RBM19: variants seen among roughly 807,000 people sequenced by gnomAD.
The protein encoded by RBM19 is RNA binding motif protein 19, also known as probable RNA-binding protein 19.
Under a neutral mutation model 116.8 loss-of-function variants are expected in RBM19, and 94 were observed. The observed-to-expected ratio is 0.80, with a 90% CI of 0.68 to 0.95. The LOEUF (loss-of-function observed/expected upper bound fraction) is 0.95, where lower values mean the gene tolerates loss of function less well. Ranked by LOEUF, RBM19 falls within the 40% of genes least tolerant of loss-of-function variation. The pLI is 0.00. For missense variants in RBM19, 1,161 were observed against 1,220.7 expected (o/e 0.95, Z 0.73); for synonymous variants, 475 against 494.1 (o/e 0.96, Z 0.51).
intron 8 of RBM19, among the ~76,000 whole-genome samples, chr12:113,950,899 C>G (rs1158386637): frequency 6.6e-6 from 1 of 152,108 alleles, no homozygotes; most frequent in African/African-American, 2.4e-5. Flanking sequence ...CCCTCCCCCT[C>G]TCCATGGCCA....
intron 23 of RBM19, among the ~76,000 whole-genome samples, chr12:113,844,188 C>T (rs978863125): frequency 2.0e-5 from 3 of 152,342 alleles, no homozygotes; most frequent in East Asian, 1.9e-4. Context: ...ATCAGCCCTC[C>T]GGCAGGAAGT....
chr12:113,872,479 G>C (rs1879309500), intron 21 of RBM19, among the ~76,000 whole-genome samples: 1 of 140,878 alleles, frequency 7.1e-6, no homozygotes, highest in African/African-American at 2.5e-5. Flanking sequence ...GGGAGGTGGG[G>C]AGCCCCTCTG....
At chr12:113,872,209 C>T (rs1391812648) in intron 21 of RBM19, among the ~76,000 whole-genome samples, 4 of 147,748 alleles carry the variant, frequency 2.7e-5, no homozygotes, top group Admixed American at 6.8e-5. Flanking sequence ...CGCCTCTGCC[C>T]GGCCGAGACC....
chr12:113,892,219 G>C (rs1881007350), intron 21 of RBM19, among the ~76,000 whole-genome samples: 1 of 152,162 alleles, frequency 6.6e-6, no homozygotes, highest in African/African-American at 2.4e-5. Context: ...TAGAACTCAG[G>C]CTCGGGCCTC....
chr12:113,937,277 C>A (rs1870154939), intron 15 of RBM19, 141 bp from the exon 16 acceptor site: 1 of 1,003,942 alleles, frequency 1.0e-6, no homozygotes, highest in African/African-American at 1.7e-5. Context: ...GGAGCCCAGC[C>A]CAGAGCCCTG....
In RBM19 at chr12:113,937,102, G is replaced by A; in HGVS notation, c.1973C>T (p.Pro658Leu). The A allele has an allele frequency of 6.2e-7, 1 of 1,614,096 alleles. No individual in the cohort carries two copies. ...GGCTGTGCTGGAGAAGACGCCAACT[G>A]GAGCCCACTCCAGATAGAGGGGGAC... ...HHVPLYLEWA[P>L]VGVFSSTAPQ... The change falls in exon 16 of 24, where the codon CCA (proline) becomes CTA (leucine). Residue 658 changes from proline (P) to leucine (L), a missense_variant. Coordinates refer to ENST00000261741, the MANE Select transcript of RBM19 (RefSeq NM_016196.4).
chr12:113,847,118 G>A (rs912111087), intron 22 of RBM19, among the ~76,000 whole-genome samples: 2 of 152,144 alleles, frequency 1.3e-5, no homozygotes, highest in South Asian at 2.1e-4. Context: ...TTGAGCCTCC[G>A]TTTCCTCATC....
chr12:113,925,401 G>A (rs1868978196), intron 17 of RBM19, among the ~76,000 whole-genome samples: 1 of 152,194 alleles, frequency 6.6e-6, no homozygotes, highest in Non-Finnish European at 1.5e-5. Flanking sequence ...TTTATTTGGA[G>A]TATCTCCTTC....
At chr12:113,861,002 T>G (rs1352081955) in intron 21 of RBM19, among the ~76,000 whole-genome samples, 2 of 152,202 alleles carry the variant, frequency 1.3e-5, no homozygotes, top group African/African-American at 4.8e-5. Flanking sequence ...GAAATACACA[T>G]AGCACAAATG....
rs200892305 is a variant in RBM19, at chr12:113,945,944, C to G, written c.1530-20G>C. ...TGAGAGCTAAGAGGCAGAGGCAGAA[C>G]AGGGAGATCAGACCGCAGCTGGATG... On this transcript the variant is annotated intron_variant, in intron 12 of 23. Transcript: ENST00000261741. 2 of 1,527,410 alleles carry G rather than the reference C, an allele frequency of 1.3e-6. No homozygotes were observed. Among genetic ancestry groups the G allele is most frequent in the African/African-American group, 1.4e-5 (1 of 72,918 alleles). The allele number at this position is 1,527,410 out of a possible 1,614,324, so 94.6% of individuals were successfully genotyped here.
chr12:113,822,953 T>C lies in RBM19; in HGVS notation c.*271A>G. On this transcript the variant is annotated 3_prime_UTR_variant, in exon 24 of 24. Transcript: ENST00000261741. Reference sequence around the variant, plus strand: ...AAGTCTCTCTTCCTAACGTGGCTGCTCCCTTGGACTCTTCCGTGTCTGCTA... The same window carrying C: ...AAGTCTCTCTTCCTAACGTGGCTGCCCCCTTGGACTCTTCCGTGTCTGCTA... 1 of 390,800 alleles carries C rather than the reference T, an allele frequency of 2.6e-6. No homozygotes were observed. The highest frequency in any genetic ancestry group is 4.6e-6 in the Non-Finnish European group (1 of 215,680). 24.2% of individuals were successfully genotyped at this position (390,800 alleles called of 1,614,324 possible). A position where few individuals can be genotyped will look rare whatever the true frequency, so the allele number is the denominator to read the frequency against.
intron 21 of RBM19, among the ~76,000 whole-genome samples, chr12:113,861,484 G>GTGTGTGTGTGTT (rs1878372523): frequency 6.9e-6 from 1 of 144,990 alleles, no homozygotes; most frequent in South Asian, 2.1e-4. Flanking sequence ...CTGTGTGTGT[G>GTGTGTGTGTGTT]TGTGTGTGTG....
intron 1 of RBM19, among the ~76,000 whole-genome samples, chr12:113,963,030 AAT>A (rs1375763986): frequency 1.3e-5 from 2 of 152,314 alleles, no homozygotes; most frequent in Admixed American, 6.5e-5. Flanking sequence ...ATTGGCTCCA[AAT>A]ATGGAGTATA....
chr12:113,959,876 G>GACC lies in RBM19; in HGVS notation c.364_366dup (p.Gly122dup). 6.2e-7 allele frequency: 1 copy of GACC among 1,614,068 alleles called. No homozygotes were observed. The highest frequency in any genetic ancestry group is 8.5e-7 in the Non-Finnish European group (1 of 1,180,006). On this transcript the variant is annotated inframe_insertion, in exon 4 of 24. Transcript: ENST00000261741. ...CAGGACAGACTCACCTTCTCCAGTT[G>GACC]ACCTGCCACCTTTTTCTTCTTCTCA...
At chr12:113,865,358 C>G (rs1878721378) in intron 21 of RBM19, among the ~76,000 whole-genome samples, 1 of 152,182 alleles carries the variant, frequency 6.6e-6, no homozygotes, top group Non-Finnish European at 1.5e-5. Flanking sequence ...CTGTGACCAT[C>G]CTATCTAACG....
chr12:113,858,818 C>A lies in RBM19; in HGVS notation c.2637G>T (p.Val879=). The change falls in exon 22 of 24, where the codon GTG becomes GTT. Residue 879 remains valine, a synonymous_variant. Transcript: ENST00000261741. ...GTGTHRGFGF[V]DFLTKQDAKR... is the part of the protein sequence containing the mutation. ...TCGCATCCTGCTTGGTGAGGAAGTC[C>A]ACAAAGCCGAAGCCTCTGTGTGTGC... 6.2e-7 allele frequency: 1 copy of A among 1,614,114 alleles called. No homozygotes were observed. The highest frequency in any genetic ancestry group is 8.5e-7 in the Non-Finnish European group (1 of 1,180,030).
At chr12:113,912,904 C>T (rs776281079) in intron 21 of RBM19, among the ~76,000 whole-genome samples, 1 of 152,110 alleles carries the variant, frequency 6.6e-6, no homozygotes, top group Non-Finnish European at 1.5e-5. Flanking sequence ...CTGTCTGCAA[C>T]GAGGAACTGC....
intron 22 of RBM19, among the ~76,000 whole-genome samples, chr12:113,857,941 C>T (rs1878037674): frequency 6.6e-6 from 1 of 152,238 alleles, no homozygotes; most frequent in Non-Finnish European, 1.5e-5. Flanking sequence ...TTAATGAGAC[C>T]TCCCTGTCAC....
At chr12:113,958,290 C>T (rs1161040997) in intron 5 of RBM19, among the ~76,000 whole-genome samples, 1 of 152,144 alleles carries the variant, frequency 6.6e-6, no homozygotes, top group African/African-American at 2.4e-5. Flanking sequence ...CTGCCACCAG[C>T]CATGTCTTCC....
Sources: allele counts gnomAD v4.1 joint callset (sites outside exome capture counted in the v4.1 genomes callset), GRCh38; gene constraint gnomAD v4.1.1; transcripts MANE v1.5; gene names NCBI Gene and HGNC (gene_info 2026-07-23, HGNC 2026-07-21).